Variants in TMEM182 observed in about 807,000 individuals in gnomAD.
TMEM182 encodes transmembrane protein 182.
A neutral mutation model predicts 26.8 loss-of-function variants in TMEM182; 20 were observed. That is an observed-to-expected ratio of 0.75 (90% CI 0.53 to 1.09). TMEM182 has a LOEUF of 1.09. Among genes scored for constraint, TMEM182 ranks in the 50% least tolerant of loss-of-function variants. The probability of loss-of-function intolerance (pLI) is 0.00; values close to 1 mark genes in which losing one functional copy is unlikely to be tolerated. For missense variants in TMEM182, 277 were observed against 275.5 expected (o/e 1.01, Z -0.04); for synonymous variants, 109 against 102.2 (o/e 1.07, Z -0.40).
intron 4 of TMEM182, among the ~76,000 whole-genome samples, chr2:102,801,382 G>C (rs934776507): frequency 2.6e-5 from 4 of 152,108 alleles, no homozygotes; most frequent in Non-Finnish European, 4.4e-5. Flanking sequence ...CTTCAAAAAG[G>C]GGGTGGGCTA....
At chr2:102,789,867 G>A (rs1221075823) in intron 3 of TMEM182, among the ~76,000 whole-genome samples, 1 of 152,066 alleles carries the variant, frequency 6.6e-6, no homozygotes, top group Non-Finnish European at 1.5e-5. Context: ...GCCGCAGGGA[G>A]CAGCTTCTTA....
chr2:102,789,656 A>T (rs1681550494), intron 3 of TMEM182, among the ~76,000 whole-genome samples: 1 of 152,084 alleles, frequency 6.6e-6, no homozygotes, highest in Non-Finnish European at 1.5e-5. Context: ...TCCTTGTTCT[A>T]TTCTTTTTCC....
chr2:102,765,905 T>A (rs1247239855), intron 3 of TMEM182, among the ~76,000 whole-genome samples: 1 of 152,184 alleles, frequency 6.6e-6, no homozygotes. Context: ...TCTAATGGAC[T>A]TAGAAGTATA....
At chr2:102,803,411 G>T (rs1265852767) in intron 4 of TMEM182, among the ~76,000 whole-genome samples, 7 of 152,220 alleles carry the variant, frequency 4.6e-5, no homozygotes, top group African/African-American at 1.7e-4. Context: ...TTAATCTAGT[G>T]TAGGAAAGGT....
At chr2:102,758,910 C>T (rs1680125953), upstream of TMEM182, among the ~76,000 whole-genome samples, 1 of 152,126 alleles carries the variant, frequency 6.6e-6, no homozygotes, top group African/African-American at 2.4e-5. Context: ...GTTCCTGAGG[C>T]AATGCCCCCC....
At chr2:102,749,924 A>G (rs1042487758) in intron 1 of TMEM182, among the ~76,000 whole-genome samples, 1 of 152,164 alleles carries the variant, frequency 6.6e-6, no homozygotes, top group African/African-American at 2.4e-5. Context: ...ACATACTTCA[A>G]AATGTTTCTG....
At chr2:102,837,141 T>G (rs1386234720) in intron 3 of TMEM182, among the ~76,000 whole-genome samples, 3 of 152,230 alleles carry the variant, frequency 2.0e-5, no homozygotes, top group Non-Finnish European at 2.9e-5. Flanking sequence ...TGTTTCTAAT[T>G]TCTTCATATG....
intron 3 of TMEM182, among the ~76,000 whole-genome samples, chr2:102,792,398 A>G (rs940665641): frequency 2.0e-5 from 3 of 152,240 alleles, no homozygotes; most frequent in Admixed American, 6.5e-5. Flanking sequence ...AAAGTCTATC[A>G]TAGTCACACA....
intron 4 of TMEM182, among the ~76,000 whole-genome samples, chr2:102,800,576 G>A (rs2104733513): frequency 6.6e-6 from 1 of 152,148 alleles, no homozygotes; most frequent in Non-Finnish European, 1.5e-5. Flanking sequence ...GTTCCAGTAA[G>A]GGTACACATT....
At chr2:102,823,727 T>C (rs1042790529) in intron 3 of TMEM182, among the ~76,000 whole-genome samples, 1 of 152,230 alleles carries the variant, frequency 6.6e-6, no homozygotes, top group Non-Finnish European at 1.5e-5. Context: ...TTAAAGGAGA[T>C]ATGTAAACCC....
intron 4 of TMEM182, among the ~76,000 whole-genome samples, chr2:102,808,265 C>T (rs1384981373): frequency 6.6e-6 from 1 of 152,022 alleles, no homozygotes; most frequent in Non-Finnish European, 1.5e-5. Flanking sequence ...GGTGGCTGAA[C>T]GATGAAAGCT....
At chr2:102,829,178 C>T (rs1683100709) in intron 3 of TMEM182, among the ~76,000 whole-genome samples, 2 of 152,106 alleles carry the variant, frequency 1.3e-5, no homozygotes, top group African/African-American at 4.8e-5. Context: ...TCAGGTAGCA[C>T]CTTTTTGCAT....
chr2:102,759,672 G>T (rs1442555874), upstream of TMEM182, among the ~76,000 whole-genome samples: 3 of 152,208 alleles, frequency 2.0e-5, no homozygotes, highest in Admixed American at 6.5e-5. Context: ...AAACAATACA[G>T]ATTTGCTATC....
At chr2:102,809,341 C>T (rs984650418) in intron 4 of TMEM182, among the ~76,000 whole-genome samples, 2 of 152,168 alleles carry the variant, frequency 1.3e-5, no homozygotes, top group Non-Finnish European at 2.9e-5. Context: ...ACAGTAAATA[C>T]ATAGCTTATC....
chr2:102,815,189 T>G lies in TMEM182; in HGVS notation c.*221T>G. On this transcript the variant is annotated 3_prime_UTR_variant, in exon 5 of 5. Coordinates refer to ENST00000412401, the MANE Select transcript of TMEM182 (RefSeq NM_144632.5). ...GTCTAAGTGCTGTCAAGGACCTAGT[T>G]CTTTAGGGAATAGGTAAACAGGTCT... is the stretch of plus-strand genomic sequence containing the variant. 7.3e-7 allele frequency: 1 copy of G among 1,361,962 alleles called. No individual in the cohort carries two copies. Among genetic ancestry groups the G allele is most frequent in the Non-Finnish European group, 9.4e-7 (1 of 1,059,724 alleles). The allele number at this position is 1,361,962 out of a possible 1,614,324, so 84.4% of individuals were successfully genotyped here. A position where few individuals can be genotyped will look rare whatever the true frequency, so the allele number is the denominator to read the frequency against.
At chr2:102,771,025 G>A (rs1475388968) in intron 3 of TMEM182, among the ~76,000 whole-genome samples, 1 of 152,152 alleles carries the variant, frequency 6.6e-6, no homozygotes, top group African/African-American at 2.4e-5. Flanking sequence ...CGATTACTCT[G>A]TGGTAGCTGG....
chr2:102,765,707 T>C (rs920842620), intron 3 of TMEM182, among the ~76,000 whole-genome samples: 2 of 152,200 alleles, frequency 1.3e-5, no homozygotes, highest in Admixed American at 6.5e-5. Context: ...AGGACACTTA[T>C]AAAGAGGGTA....
chr2:102,807,318 A>G lies in TMEM182; in HGVS notation c.470-7430A>G, dbSNP rs1467042815. On this transcript the variant is annotated intron_variant, in intron 4 of 4. Coordinates refer to ENST00000412401, the MANE Select transcript of TMEM182 (RefSeq NM_144632.5). The stretch of plus-strand genomic sequence containing the variant: ...GTAATCATGATATTGTAACAGCAGA[A>G]AGAATTAAGGCTGTGTCAGAAAATT... Among the ~76,000 whole-genome samples the G allele has an allele frequency of 3.3e-5, 5 of 152,230 alleles. No individual in the cohort carries two copies. The East Asian group carries it at 9.6e-4, about 29-fold the overall frequency.
chr2:102,802,428 A>G (rs1486873589), intron 4 of TMEM182, among the ~76,000 whole-genome samples: 4 of 152,200 alleles, frequency 2.6e-5, no homozygotes, highest in Non-Finnish European at 4.4e-5. Flanking sequence ...ACCTGTTTCC[A>G]GGAGAGTCAG....
Sources: gnomAD v4.1 joint callset for allele counts (sites outside exome capture counted in the v4.1 genomes callset) on GRCh38, gnomAD v4.1.1 for gene constraint, MANE v1.5 for transcripts, NCBI Gene and HGNC (gene_info 2026-07-23, HGNC 2026-07-21) for gene names.